SPG11: variants seen among roughly 807,000 people sequenced by gnomAD.
SPG11 encodes the protein SPG11 vesicle trafficking associated, spatacsin, also known as spatacsin.
SPG11 carries 222 observed loss-of-function variants against 274.0 expected under a neutral mutation model. The ratio of observed to expected loss-of-function variants is 0.81; its 90% CI spans 0.73 to 0.91. The LOEUF is 0.91. Ranked by LOEUF, SPG11 falls within the 40% of genes least tolerant of loss-of-function variation. SPG11 has a pLI of 0.00. For missense variants in SPG11, 3,114 were observed against 2,872.7 expected, an observed-to-expected ratio of 1.08 and a Z score of -1.92; for synonymous variants, 1,144 against 1,039.7, an observed-to-expected ratio of 1.10 and a Z score of -1.93.
At chr15:44,632,372 C>T (rs117533557) in intron 8 of SPG11, among the ~76,000 whole-genome samples, 2,902 of 152,202 alleles carry the variant, frequency 0.019, 42 homozygotes, top group Non-Finnish European at 0.028. Flanking sequence ...GGAAAATATA[C>T]TTTATTACCC....
intron 30 of SPG11, 53 bp from the exon 31 acceptor site, chr15:44,575,094 C>G: frequency 2.5e-6 from 4 of 1,608,156 alleles, no homozygotes; most frequent in Non-Finnish European, 3.4e-6. Flanking sequence ...TCTGGCCTCT[C>G]CCTAGCTCTC....
chr15:44,616,820 T>C (rs1253639523), intron 15 of SPG11, among the ~76,000 whole-genome samples: 2 of 152,242 alleles, frequency 1.3e-5, no homozygotes, highest in African/African-American at 4.8e-5. Flanking sequence ...AAGGGGTATC[T>C]AGAAAAATCC....
In SPG11 at chr15:44,660,434, A is replaced by G. The variant is rs547491883; in HGVS notation, c.440T>C (p.Ile147Thr). The G allele has an allele frequency of 6.8e-6, 11 of 1,613,026 alleles. No homozygotes were observed. Among genetic ancestry groups the G allele is most frequent in the South Asian group, 5.5e-5 (5 of 91,070 alleles). The change falls in exon 2 of 40, where the codon ATC becomes ACC. Residue 147 changes from isoleucine to threonine, a missense_variant and splice_region_variant. Physicochemically the swap from Ile to Thr is moderately conservative, Grantham distance 89. Transcript: ENST00000261866. ...AAAGACCACCTGTAGATACTTACTGATATCTTGATCGTCAATGAGCTTTTG... is the reference window on the plus strand; with the variant it reads ...AAAGACCACCTGTAGATACTTACTGGTATCTTGATCGTCAATGAGCTTTTG... ...ALQKLIDDQD[I>T]SISLLSLRIL...
At chr15:44,643,428 T>C (rs951390627) in intron 7 of SPG11, among the ~76,000 whole-genome samples, 7 of 152,172 alleles carry the variant, frequency 4.6e-5, no homozygotes, top group African/African-American at 1.4e-4. Context: ...TTTTAGAGTA[T>C]ATAAAAATAA....
intron 35 of SPG11, 80 bp downstream of exon 35, chr15:44,569,318 G>A: frequency 9.6e-7 from 1 of 1,046,602 alleles, no homozygotes; most frequent in East Asian, 2.6e-5. Context: ...TACCCTGACT[G>A]AGATTATTCC....
At chr15:44,598,887 A>C in intron 21 of SPG11, 51 bp from the exon 22 acceptor site, 7 of 1,560,534 alleles carry the variant, frequency 4.5e-6, no homozygotes, top group Non-Finnish European at 6.2e-6. Flanking sequence ...ATTATGTCTC[A>C]CCAGGAAAAG....
intron 11 of SPG11, among the ~76,000 whole-genome samples, chr15:44,623,196 G>A (rs2083803040): frequency 6.6e-6 from 1 of 152,050 alleles, no homozygotes; most frequent in African/African-American, 2.4e-5. Flanking sequence ...TGATCCTCCT[G>A]CCTCAGCCTC....
chr15:44,590,017 C>G (rs1404204809), intron 27 of SPG11, among the ~76,000 whole-genome samples: 1 of 152,130 alleles, frequency 6.6e-6, no homozygotes, highest in East Asian at 1.9e-4. Flanking sequence ...CCATGTTGGT[C>G]AGACTGGTCT....
At chr15:44,662,168 T>C (rs2085129721) in intron 1 of SPG11, among the ~76,000 whole-genome samples, 1 of 152,188 alleles carries the variant, frequency 6.6e-6, no homozygotes. Context: ...AATAAGTTTA[T>C]AAACTAAACG....
At position 44,582,963 on chromosome 15, in the gene SPG11, G is replaced by A. The variant is rs145485789; in HGVS notation, c.5866+851C>T. On this transcript the variant is annotated intron_variant, in intron 30 of 39. Coordinates refer to ENST00000261866, the MANE Select transcript of SPG11 (RefSeq NM_025137.4). ...AATTTCCCTTTAAGGTCAGTAAAAAGGTACAGATGTCCACTCTCGCCACCC... is the reference window on the plus strand; with the variant it reads ...AATTTCCCTTTAAGGTCAGTAAAAAAGTACAGATGTCCACTCTCGCCACCC... Among the ~76,000 whole-genome samples, 69 of 152,208 alleles carry A rather than the reference G, an allele frequency of 4.5e-4. No homozygotes were observed. In the East Asian group the frequency reaches 0.013, roughly 28 times the overall value.
At chr15:44,603,172 A>G (rs576613925) in intron 20 of SPG11, among the ~76,000 whole-genome samples, 1 of 151,308 alleles carries the variant, frequency 6.6e-6, no homozygotes. Context: ...CTCTTGCCTC[A>G]GCCTCCTGTA....
At chr15:44,598,179 C>G (rs912353496) in intron 23 of SPG11, 86 bp downstream of exon 23, 17 of 910,368 alleles carry the variant, frequency 1.9e-5, no homozygotes, top group Non-Finnish European at 2.9e-5. Context: ...AGTGAAAACA[C>G]CAGAGTTGTT....
chr15:44,585,824 G>T lies in SPG11; in HGVS notation c.4933C>A (p.Leu1645Ile), dbSNP rs147735958. Reference sequence around the variant, plus strand: ...GATGTATCCTTCAAAATCTGGCAAAGGATGCAAAGCTTTTTCACATCTGGA... The same window carrying T: ...GATGTATCCTTCAAAATCTGGCAAATGATGCAAAGCTTTTTCACATCTGGA... ...DGPDVKKLCILCQILKDTSIA... is the reference protein window; with the variant it reads ...DGPDVKKLCIICQILKDTSIA... The change falls in exon 29 of 40, where the codon CTT becomes ATT. Residue 1645 changes from leucine to isoleucine, a missense_variant. Transcript: ENST00000261866. 1 of 1,613,892 alleles carries T rather than the reference G, an allele frequency of 6.2e-7. No homozygotes were observed. Among genetic ancestry groups the T allele is most frequent in the Non-Finnish European group, 8.5e-7 (1 of 1,179,948 alleles).
In SPG11 at chr15:44,564,650, T is replaced by C. The variant is rs780550991; in HGVS notation, c.7048A>G (p.Ile2350Val). Reference sequence around the variant, plus strand: ...TTAAGAATCACTTGCTGGTATAAAATTTCAGCCCAATCTGGAACAAAATCG... The same window carrying C: ...TTAAGAATCACTTGCTGGTATAAAACTTCAGCCCAATCTGGAACAAAATCG... ...AYDFVPDWAE[I>V]LYQQVILKGD... The change falls in exon 39 of 40, where the codon ATT (isoleucine) becomes GTT (valine). Residue 2350 changes from isoleucine (I) to valine (V), a missense_variant. Transcript: ENST00000261866. 1.4e-5 allele frequency: 22 copies of C among 1,614,186 alleles called. No individual in the cohort carries two copies. The South Asian group carries it at 1.9e-4, about 14-fold the overall frequency.
intron 17 of SPG11, 37 bp from the exon 18 acceptor site, chr15:44,611,022 G>T (rs760162900): frequency 1.6e-5 from 24 of 1,542,640 alleles, no homozygotes; most frequent in Non-Finnish European, 2.0e-5. Context: ...TCCTTAAGAG[G>T]GATAAATACT....
chr15:44,623,844 T>C (rs1690526183), intron 11 of SPG11, among the ~76,000 whole-genome samples: 1 of 152,048 alleles, frequency 6.6e-6, no homozygotes, highest in Non-Finnish European at 1.5e-5. Flanking sequence ...CACTGCAACC[T>C]CTGCCTCCCG....
chr15:44,595,048 C>A (rs1391182874), intron 26 of SPG11, among the ~76,000 whole-genome samples: 1 of 152,092 alleles, frequency 6.6e-6, no homozygotes, highest in Non-Finnish European at 1.5e-5. Context: ...AACTCCTGAC[C>A]TCAAGTGATC....
At chr15:44,622,398 T>A in intron 12 of SPG11, 51 bp from the exon 13 acceptor site, 1 of 1,425,064 alleles carries the variant, frequency 7.0e-7, no homozygotes, top group Non-Finnish European at 9.7e-7. Flanking sequence ...TCAAGCACTT[T>A]TGCAAAAAAT....
At chr15:44,633,464 C>A in intron 8 of SPG11, 41 bp downstream of exon 8, 2 of 1,427,694 alleles carry the variant, frequency 1.4e-6, no homozygotes, top group South Asian at 2.4e-5. Context: ...TTAAGAAGAT[C>A]AAATGATAAA....
Sources: gnomAD v4.1 joint callset for allele counts (sites outside exome capture counted in the v4.1 genomes callset) on GRCh38, gnomAD v4.1.1 for gene constraint, MANE v1.5 for transcripts, NCBI Gene and HGNC (gene_info 2026-07-23, HGNC 2026-07-21) for gene names.